Variants in SHTN1 observed in about 807,000 individuals in gnomAD.
SHTN1 encodes the protein shootin 1, also known as shootin-1.
A neutral mutation model predicts 83.1 loss-of-function variants in SHTN1; 42 were observed. The observed-to-expected ratio is 0.51, with a 90% CI of 0.39 to 0.65. The LOEUF (loss-of-function observed/expected upper bound fraction) is 0.65. Among genes scored for constraint, SHTN1 ranks in the 30% least tolerant of loss-of-function variants. SHTN1 has a pLI of 0.00. For missense variants in SHTN1, 622 were observed against 737.8 expected (o/e 0.84, Z 1.82); for synonymous variants, 224 against 247.7 (o/e 0.90, Z 0.90).
chr10:116,953,540 C>G (rs1362991619), intron 5 of SHTN1, among the ~76,000 whole-genome samples: 5 of 151,906 alleles, frequency 3.3e-5, no homozygotes. Flanking sequence ...TAGGTCCTAC[C>G]CCATCCAAAA....
chr10:116,950,477 T>C (rs1589835253), intron 6 of SHTN1, among the ~76,000 whole-genome samples: 1 of 152,334 alleles, frequency 6.6e-6, no homozygotes, highest in African/African-American at 2.4e-5. Flanking sequence ...CCCATTATTT[T>C]GTTCATTATG....
At chr10:117,122,578 C>T (rs1318916783) in intron 1 of SHTN1, among the ~76,000 whole-genome samples, 1 of 152,182 alleles carries the variant, frequency 6.6e-6, no homozygotes, top group East Asian at 1.9e-4. Context: ...AAAGCAAAAC[C>T]ACAATGAGGC....
intron 1 of SHTN1, among the ~76,000 whole-genome samples, chr10:117,094,101 T>C (rs560499698): frequency 1.3e-5 from 2 of 152,310 alleles, no homozygotes; most frequent in East Asian, 1.9e-4. Flanking sequence ...TCTCTCCTCC[T>C]GGGCACAACT....
chr10:116,954,751 G>A (rs537852350), intron 4 of SHTN1, among the ~76,000 whole-genome samples: 18 of 152,254 alleles, frequency 1.2e-4, no homozygotes, highest in African/African-American at 4.1e-4. Flanking sequence ...AGATCCCCTC[G>A]CTAGAAATTT....
chr10:116,962,803 T>G (rs1305732752), intron 3 of SHTN1, among the ~76,000 whole-genome samples: 1 of 152,048 alleles, frequency 6.6e-6, no homozygotes, highest in Non-Finnish European at 1.5e-5. Flanking sequence ...CAGTAGACAT[T>G]TTTTTAAATT....
chr10:117,016,365 C>A (rs1211405822), intron 2 of SHTN1, among the ~76,000 whole-genome samples: 1 of 152,132 alleles, frequency 6.6e-6, no homozygotes, highest in Non-Finnish European at 1.5e-5. Context: ...TGAAATCATA[C>A]AAAAGAAATG....
At chr10:116,954,795 T>C (rs1353838746) in intron 4 of SHTN1, among the ~76,000 whole-genome samples, 2 of 152,142 alleles carry the variant, frequency 1.3e-5, no homozygotes, top group South Asian at 2.1e-4. Context: ...TTTCTTTCCA[T>C]GTGCCTGGAC....
intron 2 of SHTN1, among the ~76,000 whole-genome samples, chr10:116,977,702 T>A (rs1850860575): frequency 6.7e-6 from 1 of 150,342 alleles, no homozygotes; most frequent in African/African-American, 2.5e-5. Context: ...TGAGACAAGA[T>A]CTCACTCTGT....
chr10:116,941,617 G>A (rs924092922), intron 8 of SHTN1, among the ~76,000 whole-genome samples: 4 of 152,114 alleles, frequency 2.6e-5, no homozygotes, highest in Admixed American at 2.0e-4. Context: ...GCTCTGAACT[G>A]CAAAATGATT....
chr10:117,118,363 C>CAA (rs57432703), intron 1 of SHTN1, among the ~76,000 whole-genome samples: 4 of 118,456 alleles, frequency 3.4e-5, no homozygotes, highest in African/African-American at 1.0e-4. Context: ...TAATCCATTT[C>CAA]AAAAAAAAAA....
chr10:116,965,657 C>T (rs1483700060), intron 3 of SHTN1, among the ~76,000 whole-genome samples: 1 of 152,196 alleles, frequency 6.6e-6, no homozygotes, highest in African/African-American at 2.4e-5. Flanking sequence ...ATGATATGAA[C>T]TCTTAATACT....
chr10:116,885,462 A>G lies in SHTN1; in HGVS notation c.*882T>C, dbSNP rs753347254. ...CTTAATTTCTTTTTTAAAAAAAACA[A>G]CAACAAACCTGTGTAATATAGAACA... On this transcript the variant is annotated 3_prime_UTR_variant, in exon 17 of 17. Coordinates refer to ENST00000355371, the MANE Select transcript of SHTN1 (RefSeq NM_001127211.3). 4 of 152,644 alleles carry G rather than the reference A, an allele frequency of 2.6e-5. No homozygotes were observed. Among genetic ancestry groups the G allele is most frequent in the Non-Finnish European group, 4.4e-5 (3 of 68,044 alleles). 9.5% of individuals were successfully genotyped at this position (152,644 alleles called of 1,614,324 possible).
intron 2 of SHTN1, among the ~76,000 whole-genome samples, chr10:117,011,839 T>C (rs1038435464): frequency 2.6e-5 from 4 of 152,000 alleles, no homozygotes; most frequent in African/African-American, 9.7e-5. Flanking sequence ...ATATATTATG[T>C]TCATGAATTA....
chr10:117,122,059 T>G (rs766582029), intron 1 of SHTN1, among the ~76,000 whole-genome samples: 2 of 152,080 alleles, frequency 1.3e-5, no homozygotes. Context: ...TAAAAATAAA[T>G]AAAGAAATAA....
chr10:116,981,611 G>T (rs1288237364), intron 1 of SHTN1, among the ~76,000 whole-genome samples: 1 of 152,176 alleles, frequency 6.6e-6, no homozygotes, highest in African/African-American at 2.4e-5. Flanking sequence ...TCAAAAAACA[G>T]ATATATAAGT....
chr10:116,958,339 T>C (rs1392041945), intron 4 of SHTN1, among the ~76,000 whole-genome samples: 2 of 152,204 alleles, frequency 1.3e-5, no homozygotes, highest in Non-Finnish European at 2.9e-5. Flanking sequence ...TAATCCATTT[T>C]TTAAATTTTT....
intron 1 of SHTN1, among the ~76,000 whole-genome samples, chr10:116,982,087 C>T (rs1414080795): frequency 6.6e-6 from 1 of 152,060 alleles, no homozygotes; most frequent in Non-Finnish European, 1.5e-5. Flanking sequence ...AACAGAAACC[C>T]ATGATCTTAT....
intron 10 of SHTN1, among the ~76,000 whole-genome samples, chr10:116,929,096 A>C (rs996115797): frequency 6.6e-6 from 1 of 152,222 alleles, no homozygotes; most frequent in Non-Finnish European, 1.5e-5. Context: ...TTTAGAAGGA[A>C]AAAAGGCCTA....
In SHTN1 at chr10:116,906,660, G is replaced by A. The variant is rs763247123; in HGVS notation, c.1447C>T (p.Arg483Cys). 1.4e-5 allele frequency: 23 copies of A among 1,613,290 alleles called. No individual in the cohort carries two copies. The highest frequency in any genetic ancestry group is 4.0e-5 in the African/African-American group (3 of 74,914). ...TCTGCTTCTGCTGTCACCTTTCTGC[G>A]ACGCAAAATCCTTTCTAACTCAGTT... ...SETELERILRRRKVTAEADSS... is the reference protein window; with the variant it reads ...SETELERILRCRKVTAEADSS... The change falls in exon 15 of 17, where the codon CGC becomes TGC. Residue 483 changes from arginine to cysteine, a missense_variant. Arg to Cys is a radical substitution (Grantham distance 180). Coordinates refer to ENST00000355371, the MANE Select transcript of SHTN1 (RefSeq NM_001127211.3).
Sources: allele counts gnomAD v4.1 joint callset (sites outside exome capture counted in the v4.1 genomes callset), GRCh38; gene constraint gnomAD v4.1.1; transcripts MANE v1.5; gene names NCBI Gene and HGNC (gene_info 2026-07-23, HGNC 2026-07-21).